Variants in TTC27 observed in about 807,000 individuals in gnomAD.
TTC27 encodes tetratricopeptide repeat domain 27, also known as tetratricopeptide repeat protein 27.
A neutral mutation model predicts 115.9 loss-of-function variants in TTC27; 79 were observed. The observed-to-expected ratio is 0.68, with a 90% CI of 0.57 to 0.82. TTC27 has a LOEUF of 0.82. Ranked by LOEUF, TTC27 falls within the 40% of genes least tolerant of loss-of-function variation. TTC27 has a pLI of 0.00. For synonymous variants in TTC27, 401 were observed against 356.0 expected (o/e 1.13, Z -1.42); for missense variants, 1,054 against 993.1 (o/e 1.06, Z -0.82).
chr2:32,729,946 G>C (rs1217417767), intron 10 of TTC27, among the ~76,000 whole-genome samples: 1 of 152,132 alleles, frequency 6.6e-6, no homozygotes, highest in Non-Finnish European at 1.5e-5. Flanking sequence ...TAAGTGCAAG[G>C]GTAGGACACA....
chr2:32,776,967 T>C (rs768501597), intron 13 of TTC27, among the ~76,000 whole-genome samples: 3 of 151,564 alleles, frequency 2.0e-5, no homozygotes, highest in Non-Finnish European at 2.9e-5. Context: ...TAAGGAAATA[T>C]TATGATGTAC....
At chr2:32,797,379 T>C (rs1309357687) in intron 16 of TTC27, among the ~76,000 whole-genome samples, 2 of 152,166 alleles carry the variant, frequency 1.3e-5, no homozygotes, top group East Asian at 3.9e-4. Flanking sequence ...CGTTTTGCTA[T>C]GTTGCCAAGG....
chr2:32,669,688 C>G (rs370683103), intron 7 of TTC27, among the ~76,000 whole-genome samples: 4 of 151,908 alleles, frequency 2.6e-5, no homozygotes, highest in African/African-American at 9.6e-5. Context: ...AGTTCGAGAC[C>G]AACCTGGCCA....
chr2:32,713,769 T>G (rs1349806599), intron 10 of TTC27, among the ~76,000 whole-genome samples: 1 of 152,220 alleles, frequency 6.6e-6, no homozygotes, highest in African/African-American at 2.4e-5. Flanking sequence ...TTTGTTCTTT[T>G]TTTTGACTTT....
At chr2:32,709,512 A>G (rs564891270) in intron 10 of TTC27, among the ~76,000 whole-genome samples, 3 of 152,214 alleles carry the variant, frequency 2.0e-5, no homozygotes, top group African/African-American at 7.2e-5. Context: ...CACAAAATTC[A>G]TGTTACTAGG....
chr2:32,683,518 A>G (rs1559204456), intron 9 of TTC27, among the ~76,000 whole-genome samples: 1 of 152,228 alleles, frequency 6.6e-6, no homozygotes, highest in East Asian at 1.9e-4. Context: ...AGGTTGAAAT[A>G]TATATGAAAT....
intron 13 of TTC27, among the ~76,000 whole-genome samples, chr2:32,769,670 C>T (rs1174039033): frequency 6.6e-6 from 1 of 152,014 alleles, no homozygotes; most frequent in Non-Finnish European, 1.5e-5. Flanking sequence ...AAGATATTAG[C>T]TTTGGAAATA....
chr2:32,700,227 C>T (rs1203173130), intron 9 of TTC27, among the ~76,000 whole-genome samples: 2 of 152,130 alleles, frequency 1.3e-5, no homozygotes, highest in Non-Finnish European at 2.9e-5. Flanking sequence ...TTACTTAATG[C>T]TCCCAACTCT....
chr2:32,702,917 A>T lies in TTC27; in HGVS notation c.1230A>T (p.Thr410=), dbSNP rs753365012. 1 of 1,612,290 alleles carries T rather than the reference A, an allele frequency of 6.2e-7. No individual in the cohort carries two copies. The highest frequency in any genetic ancestry group is 1.1e-5 in the South Asian group (1 of 91,010). ...GAGTGGAACGGGCAATGAGGCAGAC[A>T]CAGGTAAGAATTAATGTGGCAATTT... is the stretch of plus-strand genomic sequence containing the variant. The part of the protein sequence containing the change: ...TRRVERAMRQ[T]QALADQFEDK... Residue 410 remains threonine (T), a synonymous_variant, in exon 10 of 20, where the codon ACA becomes ACT. Coordinates refer to ENST00000317907, the MANE Select transcript of TTC27 (RefSeq NM_017735.5).
intron 17 of TTC27, among the ~76,000 whole-genome samples, chr2:32,811,873 TAGCCACGGCAC>T (rs1671327201): frequency 6.6e-6 from 1 of 152,204 alleles, no homozygotes; most frequent in South Asian, 2.1e-4. Flanking sequence ...GGTTTGGAAT[TAGCCACGGCAC>T]AGCTAATCTG....
chr2:32,801,026 G>T (rs1670914623), intron 16 of TTC27, among the ~76,000 whole-genome samples: 1 of 152,172 alleles, frequency 6.6e-6, no homozygotes, highest in African/African-American at 2.4e-5. Context: ...AGTGAGTGGG[G>T]TACTGTAGGT....
At position 32,744,438 on chromosome 2, in the gene TTC27, C is replaced by T. The variant is rs568023263; in HGVS notation, c.1452+7622C>T. ...GTAATCATCTATTTAATGTTGACAA[C>T]AGCAATTTTTCTGTTTTTGGAGAAA... On this transcript the variant is annotated intron_variant, in intron 12 of 19. Transcript: ENST00000317907. Among the ~76,000 whole-genome samples the T allele has an allele frequency of 3.9e-5, 6 of 152,288 alleles. No homozygotes were observed. In the East Asian group the frequency reaches 1.2e-3, roughly 29 times the overall value.
At chr2:32,816,033 T>C (rs1032115028) in intron 18 of TTC27, among the ~76,000 whole-genome samples, 4 of 152,150 alleles carry the variant, frequency 2.6e-5, no homozygotes, top group African/African-American at 9.7e-5. Context: ...AAGAAATCTA[T>C]TGGGCTGGGT....
At chr2:32,791,405 T>C (rs1670530333) in intron 16 of TTC27, among the ~76,000 whole-genome samples, 2 of 152,258 alleles carry the variant, frequency 1.3e-5, no homozygotes, top group African/African-American at 2.4e-5. Context: ...TTAATATATA[T>C]TGAGTGCTTA....
intron 13 of TTC27, among the ~76,000 whole-genome samples, chr2:32,776,895 C>T (rs907244871): frequency 1.3e-5 from 2 of 152,182 alleles, no homozygotes; most frequent in Non-Finnish European, 2.9e-5. Flanking sequence ...CAGGTGTGAG[C>T]CACCACACCC....
intron 18 of TTC27, 101 bp from the exon 19 acceptor site, chr2:32,817,356 G>A (rs1168868898): frequency 1.1e-6 from 1 of 891,616 alleles, no homozygotes. Flanking sequence ...TGTTTCTAAA[G>A]TATGTTACTA....
intron 13 of TTC27, among the ~76,000 whole-genome samples, chr2:32,764,745 A>G (rs73925403): frequency 0.23 from 34,884 of 152,230 alleles, 4,114 homozygotes; most frequent in South Asian, 0.38. Flanking sequence ...TACTTTATCA[A>G]TCAAGTTTAT....
At chr2:32,676,858 T>A (rs1359137606) in intron 8 of TTC27, among the ~76,000 whole-genome samples, 1 of 151,658 alleles carries the variant, frequency 6.6e-6, no homozygotes, top group Non-Finnish European at 1.5e-5. Context: ...TAAATTAATA[T>A]ATGGAATATT....
intron 11 of TTC27, among the ~76,000 whole-genome samples, chr2:32,735,104 G>A (rs1316072920): frequency 2.6e-5 from 4 of 152,122 alleles, no homozygotes; most frequent in Non-Finnish European, 5.9e-5. Flanking sequence ...CCATCCAATC[G>A]TTTAAAATCC....
Sources: gnomAD v4.1 joint callset for allele counts (sites outside exome capture counted in the v4.1 genomes callset) on GRCh38, gnomAD v4.1.1 for gene constraint, MANE v1.5 for transcripts, NCBI Gene and HGNC (gene_info 2026-07-23, HGNC 2026-07-21) for gene names.